Variants in SUMF1 observed in about 807,000 individuals in gnomAD.
The protein encoded by SUMF1 is sulfatase modifying factor 1.
A neutral mutation model predicts 47.6 loss-of-function variants in SUMF1; 48 were observed. That is an observed-to-expected ratio of 1.01 (90% confidence interval 0.80 to 1.28). The LOEUF (loss-of-function observed/expected upper bound fraction) is 1.28. Ranked by LOEUF, SUMF1 falls within the 50% of genes most tolerant of loss-of-function variation. SUMF1 has a pLI of 0.00. For missense variants in SUMF1, 571 were observed against 485.4 expected (o/e 1.18, Z -1.66); for synonymous variants, 230 against 192.1 (o/e 1.20, Z -1.63).
intron 8 of SUMF1, among the ~76,000 whole-genome samples, chr3:4,273,831 T>TAC (rs1575043233): frequency 7.8e-5 from 3 of 38,604 alleles, no homozygotes; most frequent in South Asian, 1.2e-3. Context: ...GGGGAGGGCA[T>TAC]GGCAAGGGAG....
intron 8 of SUMF1, among the ~76,000 whole-genome samples, chr3:4,177,852 A>G (rs534126447): frequency 7.9e-5 from 12 of 152,306 alleles, no homozygotes; most frequent in Non-Finnish European, 1.2e-4. Context: ...AAAATGATAA[A>G]GGAGATATCA....
chr3:4,174,507 C>T (rs955336420), intron 8 of SUMF1, among the ~76,000 whole-genome samples: 27 of 151,402 alleles, frequency 1.8e-4, no homozygotes, highest in African/African-American at 6.5e-4. Context: ...AGTTCAAAGC[C>T]AGCCTGGGCA....
chr3:4,347,334 C>A (rs1022119218), intron 8 of SUMF1, among the ~76,000 whole-genome samples: 2 of 152,154 alleles, frequency 1.3e-5, no homozygotes, highest in African/African-American at 4.8e-5. Flanking sequence ...ACTTACCCAC[C>A]ACAATCAAGT....
At chr3:4,236,407 T>A (rs1696410343) in intron 8 of SUMF1, among the ~76,000 whole-genome samples, 1 of 151,990 alleles carries the variant, frequency 6.6e-6, no homozygotes, top group Non-Finnish European at 1.5e-5. Context: ...CAAAGATAAA[T>A]GCTTTTTCTA....
chr3:4,311,176 C>A (rs1698390585), intron 8 of SUMF1, among the ~76,000 whole-genome samples: 1 of 152,204 alleles, frequency 6.6e-6, no homozygotes, highest in Admixed American at 6.5e-5. Context: ...TCATCTTTCA[C>A]AAGAGGATGT....
At chr3:4,292,918 T>TA (rs1037744225) in intron 8 of SUMF1, among the ~76,000 whole-genome samples, 1 of 152,156 alleles carries the variant, frequency 6.6e-6, no homozygotes, top group Non-Finnish European at 1.5e-5. Flanking sequence ...CCAGGCTCTG[T>TA]AAAAAACAAA....
intron 8 of SUMF1, among the ~76,000 whole-genome samples, chr3:4,335,960 CA>C (rs770091674): frequency 3.2e-4 from 24 of 73,898 alleles, no homozygotes; most frequent in East Asian, 2.5e-3. Context: ...GATTCCAACT[CA>C]AAAAAAAAAA....
At chr3:4,319,775 A>C (rs1698783778) in intron 8 of SUMF1, among the ~76,000 whole-genome samples, 2 of 152,194 alleles carry the variant, frequency 1.3e-5, no homozygotes, top group Admixed American at 6.5e-5. Context: ...CAATAAGTGA[A>C]TGGATAAACA....
chr3:4,371,325 T>C (rs1025817404), intron 8 of SUMF1, among the ~76,000 whole-genome samples: 2 of 152,198 alleles, frequency 1.3e-5, no homozygotes, highest in East Asian at 1.9e-4. Flanking sequence ...CTGTGTGAAA[T>C]TGATCTCCAT....
chr3:4,329,820 T>A (rs1310230093), intron 8 of SUMF1, among the ~76,000 whole-genome samples: 7 of 152,178 alleles, frequency 4.6e-5, no homozygotes, highest in African/African-American at 1.4e-4. Flanking sequence ...ACTTTTATAC[T>A]CTGCTTTCCT....
chr3:4,050,795 G>C (rs1390072340), intron 9 of SUMF1, among the ~76,000 whole-genome samples: 1 of 144,150 alleles, frequency 6.9e-6, no homozygotes, highest in Admixed American at 6.9e-5. Flanking sequence ...AAAAGAAAAA[G>C]AAAAAGAAAA....
At chr3:4,352,670 T>C (rs1193273932) in intron 8 of SUMF1, among the ~76,000 whole-genome samples, 1 of 150,926 alleles carries the variant, frequency 6.6e-6, no homozygotes, top group Non-Finnish European at 1.5e-5. Context: ...TACAGGATTG[T>C]TGAGGGTAGT....
Position 4,081,554 on chromosome 3 carries a change from T to G in SUMF1, c.1015-12809A>C, listed in dbSNP as rs372218734. Among the ~76,000 whole-genome samples the G allele has an allele frequency of 1.9e-4, 29 of 152,254 alleles. No individual in the cohort carries two copies. The East Asian group carries it at 3.1e-3, about 16-fold the overall frequency. On this transcript the variant is annotated intron_variant and NMD_transcript_variant, in intron 8 of 12. Coordinates refer to the SUMF1 transcript ENST00000448413. ...AAGGAGACAGTCCAGTAGAGTGGTT[T>G]AGAAAAAAAGGCTCCACAGCTGGGC...
At chr3:4,435,212 C>A (rs939338408) in intron 3 of SUMF1, among the ~76,000 whole-genome samples, 3 of 152,176 alleles carry the variant, frequency 2.0e-5, no homozygotes, top group African/African-American at 7.2e-5. Flanking sequence ...CAGGCTTGAG[C>A]CACCGGGCCC....
chr3:4,203,950 G>A (rs1053460158), intron 8 of SUMF1, among the ~76,000 whole-genome samples: 1 of 147,100 alleles, frequency 6.8e-6, no homozygotes, highest in South Asian at 2.3e-4. Flanking sequence ...TTAAAAAGTT[G>A]TTGTAGTTAT....
intron 8 of SUMF1, among the ~76,000 whole-genome samples, chr3:4,154,470 C>A (rs1416981333): frequency 6.6e-6 from 1 of 151,584 alleles, no homozygotes; most frequent in African/African-American, 2.4e-5. Flanking sequence ...ACTTTGCATA[C>A]ATTATTTCAT....
chr3:4,251,133 C>T (rs1696793061), intron 8 of SUMF1, among the ~76,000 whole-genome samples: 2 of 152,122 alleles, frequency 1.3e-5, no homozygotes, highest in Non-Finnish European at 2.9e-5. Context: ...ATTCATGATG[C>T]ATGGAAGTCA....
chr3:4,394,830 C>T (rs901229003), intron 7 of SUMF1, among the ~76,000 whole-genome samples: 1 of 152,188 alleles, frequency 6.6e-6, no homozygotes, highest in Admixed American at 6.5e-5. Flanking sequence ...ATGAAGAGCA[C>T]TAGCTTCTCC....
At chr3:4,254,912 T>A (rs1696908634) in intron 8 of SUMF1, among the ~76,000 whole-genome samples, 2 of 152,098 alleles carry the variant, frequency 1.3e-5, no homozygotes, top group Non-Finnish European at 2.9e-5. Flanking sequence ...TTACAGCGGA[T>A]CTCTTGGCAG....
Sources: allele counts gnomAD v4.1 joint callset (sites outside exome capture counted in the v4.1 genomes callset), GRCh38; gene constraint gnomAD v4.1.1; transcripts MANE v1.5; gene names NCBI Gene and HGNC (gene_info 2026-07-23, HGNC 2026-07-21).